The following AGAP1 variants were observed in gnomAD, a reference collection of about 807,000 sequenced individuals.
AGAP1 encodes ArfGAP with GTPase domain, ankyrin repeat and PH domain 1, also known as arf-GAP with GTPase, ANK repeat and PH domain-containing protein 1.
AGAP1 carries 29 observed loss-of-function variants against 105.3 expected under a neutral mutation model. That is an observed-to-expected ratio of 0.28 (90% CI 0.21 to 0.38). The LOEUF (loss-of-function observed/expected upper bound fraction) is 0.38. Ranked by LOEUF, AGAP1 falls within the 10% of genes least tolerant of loss-of-function variation. AGAP1 has a pLI of 1.00. For synonymous variants in AGAP1, 509 were observed against 485.9 expected (o/e 1.05, Z -0.63); for missense variants, 998 against 1,165.1 (o/e 0.86, Z 2.09).
intron 1 of AGAP1, among the ~76,000 whole-genome samples, chr2:235,531,170 C>T (rs1329031034): frequency 1.3e-5 from 2 of 152,210 alleles, no homozygotes; most frequent in Admixed American, 1.3e-4. Context: ...TCTCCTGGTC[C>T]AGTGATACCT....
chr2:235,616,962 A>T lies in AGAP1; in HGVS notation c.164-92217A>T, dbSNP rs567780913. 5.3e-3 allele frequency among the ~76,000 whole-genome samples: 754 copies of T among 141,376 alleles called. 3 individuals carry two copies. The highest frequency in any genetic ancestry group is 0.019 in the African/African-American group (718 of 38,422). 92.7% of individuals were successfully genotyped at this position (141,376 alleles called of 152,430 possible). A position where few individuals can be genotyped will look rare whatever the true frequency, so the allele number is the denominator to read the frequency against. ...AAACGTGCATCTTTAAATTTTTTTTATTTTTTTTTTTTAAGCTTGGAAAGA... is the reference window on the plus strand; with the variant it reads ...AAACGTGCATCTTTAAATTTTTTTTTTTTTTTTTTTTTAAGCTTGGAAAGA... On this transcript the variant is annotated intron_variant, in intron 1 of 17. Coordinates refer to ENST00000304032, the MANE Select transcript of AGAP1 (RefSeq NM_001037131.3).
chr2:236,029,441 ATTTT>A (rs34156847), intron 13 of AGAP1, among the ~76,000 whole-genome samples: 1 of 138,238 alleles, frequency 7.2e-6, no homozygotes, highest in African/African-American at 2.7e-5. Flanking sequence ...ACACCCAGCC[ATTTT>A]TTTTTTTTTT....
intron 1 of AGAP1, chr2:235,670,725 A>C: frequency 2.4e-6 from 2 of 834,746 alleles, no homozygotes; most frequent in Non-Finnish European, 3.8e-6. Flanking sequence ...GAGAAGCGCA[A>C]CACCCTGGAC....
chr2:235,676,877 C>T (rs767093786), intron 1 of AGAP1, among the ~76,000 whole-genome samples: 1 of 152,210 alleles, frequency 6.6e-6, no homozygotes, highest in Non-Finnish European at 1.5e-5. Flanking sequence ...TACAGCTGCA[C>T]TCATGTCGCC....
rs73130460 is a variant in AGAP1, at chr2:235,951,578, C to T, written c.1484-16884C>T. Among the ~76,000 whole-genome samples the T allele has an allele frequency of 0.012, 1,856 of 152,258 alleles. 28 individuals are homozygous for T. The highest frequency in any genetic ancestry group is 0.046 in the South Asian group (223 of 4,818). On this transcript the variant is annotated intron_variant, in intron 12 of 17. Coordinates refer to ENST00000304032, the MANE Select transcript of AGAP1 (RefSeq NM_001037131.3). The surrounding 1 kb of genome is among the most constrained non-coding windows in gnomAD (Gnocchi z 4.2). ...ATTAATAGTTGCACTGAGAAACAGG[C>T]GTAAACAGAGGTTGTCCCGGGAAAG...
intron 13 of AGAP1, among the ~76,000 whole-genome samples, chr2:236,023,580 T>A (rs1420871769): frequency 1.3e-5 from 2 of 152,042 alleles, no homozygotes; most frequent in Non-Finnish European, 1.5e-5. Flanking sequence ...TTCACCAAGG[T>A]CAGGAGTGGA....
chr2:235,941,839 G>A (rs951279788), intron 12 of AGAP1, among the ~76,000 whole-genome samples: 1 of 99,744 alleles, frequency 1.0e-5, no homozygotes, highest in Non-Finnish European at 2.0e-5. Context: ...CGGCTATGGA[G>A]CTTTGTTGTT....
chr2:236,022,894 T>C (rs1478614665), intron 13 of AGAP1, among the ~76,000 whole-genome samples: 1 of 152,078 alleles, frequency 6.6e-6, no homozygotes, highest in Non-Finnish European at 1.5e-5. Context: ...AATTTGAAAA[T>C]AAAAACTGAC....
At chr2:235,943,133 T>G (rs2053337535) in intron 12 of AGAP1, among the ~76,000 whole-genome samples, 1 of 152,236 alleles carries the variant, frequency 6.6e-6, no homozygotes, top group Non-Finnish European at 1.5e-5. Flanking sequence ...TTTTTCCACA[T>G]GACTTTATAC....
intron 16 of AGAP1, among the ~76,000 whole-genome samples, chr2:236,084,448 A>G (rs1482159260): frequency 1.3e-5 from 2 of 152,210 alleles, no homozygotes; most frequent in African/African-American, 2.4e-5. Flanking sequence ...AATAGCCATA[A>G]TGCAAGGGGC....
At chr2:235,890,049 A>T (rs1314486684) in intron 10 of AGAP1, among the ~76,000 whole-genome samples, 1 of 152,044 alleles carries the variant, frequency 6.6e-6, no homozygotes, top group Non-Finnish European at 1.5e-5. Context: ...AGGAGGTGTT[A>T]GCACTGGCTG....
At position 235,744,656 on chromosome 2, in the gene AGAP1, GCTCA is replaced by G; in HGVS notation, c.397-37_397-34del. 1.9e-6 allele frequency: 3 copies of G among 1,611,766 alleles called. No individual in the cohort carries two copies. Among genetic ancestry groups the G allele is most frequent in the Non-Finnish European group, 2.5e-6 (3 of 1,178,576 alleles). On this transcript the variant is annotated intron_variant, in intron 4 of 17. Transcript: ENST00000304032. This position sits in a 1 kb window ranked among gnomAD's most constrained non-coding sequence, Gnocchi z 5.2. Reference sequence around the variant, plus strand: ...GACATCTCTGTTCTTAATCAAGCCTGCTCACTCAGCTCCTGCTCTCCTCCCCTTC... The same window carrying G: ...GACATCTCTGTTCTTAATCAAGCCTGCTCAGCTCCTGCTCTCCTCCCCTTC...
chr2:235,741,039 G>T lies in AGAP1; in HGVS notation c.387G>T (p.Pro129=), dbSNP rs182854140. The T allele has an allele frequency of 6.2e-7, 1 of 1,614,054 alleles. No homozygotes were observed. Among genetic ancestry groups the T allele is most frequent in the Non-Finnish European group, 8.5e-7 (1 of 1,179,932 alleles). Residue 129 remains proline, a synonymous_variant, in exon 4 of 18, where the codon CCG becomes CCT. Transcript: ENST00000304032. This position sits in a 1 kb window ranked among gnomAD's most constrained non-coding sequence, Gnocchi z 4.9. ...LLLIRDEGGP[P]EAQFAMWVDA... Reference sequence around the variant, plus strand: ...TGATCAGAGATGAAGGGGGCCCCCCGGAGGCGCAGGTGAGTATACATGCAT... The same window carrying T: ...TGATCAGAGATGAAGGGGGCCCCCCTGAGGCGCAGGTGAGTATACATGCAT...
At chr2:235,817,284 ATGG>A (rs1958512662) in intron 9 of AGAP1, among the ~76,000 whole-genome samples, 1 of 151,876 alleles carries the variant, frequency 6.6e-6, no homozygotes. Context: ...CCCCTATGAC[ATGG>A]TTCTGCTTGT....
chr2:235,811,730 G>A (rs973054519), intron 9 of AGAP1, among the ~76,000 whole-genome samples: 21 of 152,156 alleles, frequency 1.4e-4, no homozygotes, highest in African/African-American at 4.6e-4. Flanking sequence ...CAGAGGGGCC[G>A]CCCCCGGCCC....
chr2:235,712,185 G>A lies in AGAP1; in HGVS notation c.222+2948G>A, dbSNP rs1950891242. ...TGACAGGCACCCACCACCACATCTG[G>A]CTAATTTTTTATTTTTAGTAGACAA... On this transcript the variant is annotated intron_variant, in intron 2 of 17. Transcript: ENST00000304032. This position sits in a 1 kb window ranked among gnomAD's most constrained non-coding sequence, Gnocchi z 6.0. 1.3e-5 allele frequency among the ~76,000 whole-genome samples: 2 copies of A among 152,126 alleles called. No homozygotes were observed. Among genetic ancestry groups the A allele is most frequent in the African/African-American group, 4.8e-5 (2 of 41,424 alleles).
rs2056432548 is a variant in AGAP1 at position 236,009,374 on chromosome 2, C to T, written c.1646-27187C>T. ...AAACCACAGCAGAATCCGCTCACAC[C>T]TGCCGAGGTTCCTGGGGGATGATCT... On this transcript the variant is annotated intron_variant, in intron 13 of 17. Coordinates refer to ENST00000304032, the MANE Select transcript of AGAP1 (RefSeq NM_001037131.3). This position sits in a 1 kb window ranked among gnomAD's most constrained non-coding sequence, Gnocchi z 4.2. Among the ~76,000 whole-genome samples, 1 of 151,896 alleles carries T rather than the reference C, an allele frequency of 6.6e-6. No individual in the cohort carries two copies. The highest frequency in any genetic ancestry group is 1.5e-5 in the Non-Finnish European group (1 of 68,044).
In AGAP1 at chr2:236,000,947, C is replaced by A. The variant is rs2056094215; in HGVS notation, c.1645+32324C>A. Among the ~76,000 whole-genome samples, 1 of 152,112 alleles carries A rather than the reference C, an allele frequency of 6.6e-6. No homozygotes were observed. Among genetic ancestry groups the A allele is most frequent in the Non-Finnish European group, 1.5e-5 (1 of 68,018 alleles). The stretch of plus-strand genomic sequence containing the variant: ...GGCGTGAGGAGGGTGAGAGTCCATG[C>A]CATAAAGGACTGTCATCCATCTGTC... On this transcript the variant is annotated intron_variant, in intron 13 of 17. Transcript: ENST00000304032. The surrounding 1 kb of genome is among the most constrained non-coding windows in gnomAD (Gnocchi z 4.3).
chr2:235,616,148 G>A (rs991974945), intron 1 of AGAP1, among the ~76,000 whole-genome samples: 3 of 152,130 alleles, frequency 2.0e-5, no homozygotes, highest in African/African-American at 7.2e-5. Flanking sequence ...ATATCACAAG[G>A]TGAAGAGATC....
Sources: gnomAD v4.1 joint callset for allele counts (sites outside exome capture counted in the v4.1 genomes callset) on GRCh38, gnomAD v4.1.1 for gene constraint, Gnocchi (gnomAD v3.1) non-coding constraint, MANE v1.5 for transcripts, NCBI Gene and HGNC (gene_info 2026-07-23, HGNC 2026-07-21) for gene names.